The following NLN variants were observed in gnomAD, a reference collection of about 807,000 sequenced individuals.
The protein encoded by NLN is neurolysin, mitochondrial.
A neutral mutation model predicts 79.9 loss-of-function variants in NLN; 64 were observed. The observed-to-expected ratio is 0.80, with a 90% CI of 0.65 to 0.99. The LOEUF is 0.99. Ranked by LOEUF, NLN falls within the 50% of genes least tolerant of loss-of-function variation. The probability of loss-of-function intolerance (pLI) is 0.00; values close to 1 mark genes in which losing one functional copy is unlikely to be tolerated. For synonymous variants in NLN, 267 were observed against 296.6 expected (o/e 0.90, Z 1.02); for missense variants, 835 against 858.7 (o/e 0.97, Z 0.34).
intron 3 of NLN, among the ~76,000 whole-genome samples, chr5:65,770,724 T>C (rs927741516): frequency 2.6e-5 from 4 of 152,202 alleles, no homozygotes; most frequent in African/African-American, 9.7e-5. Context: ...ATTGAACAAG[T>C]GTTCATAGCA....
chr5:65,788,088 T>A, intron 7 of NLN, 30 bp from the exon 8 acceptor site: 2 of 1,592,556 alleles, frequency 1.3e-6, no homozygotes, highest in Non-Finnish European at 1.7e-6. Flanking sequence ...CAAAAGCAAG[T>A]AGATCACTAA....
At position 65,722,532 on chromosome 5, in the gene NLN, C is replaced by T. The variant is rs1006205571; in HGVS notation, c.41+118C>T. ...GCGCCTCTCCGACGCTCCCGGGACG[C>T]ACCCTCCCCGCGGCTTGCAAGGTGG... On this transcript the variant is annotated intron_variant, in intron 1 of 12. Coordinates refer to ENST00000380985, the MANE Select transcript of NLN (RefSeq NM_020726.5). The T allele has an allele frequency of 5.4e-6, 5 of 934,042 alleles. No homozygotes were observed. In the African/African-American group the frequency reaches 8.6e-5, roughly 16 times the overall value. The allele number at this position is 934,042 out of a possible 1,614,324, so 57.9% of individuals were successfully genotyped here.
At chr5:65,811,886 A>T (rs1339270392) in intron 11 of NLN, among the ~76,000 whole-genome samples, 2 of 152,244 alleles carry the variant, frequency 1.3e-5, no homozygotes, top group African/African-American at 4.8e-5. Flanking sequence ...CATTTTAGAT[A>T]TAAAGAGGTG....
chr5:65,781,452 T>G (rs1417023965), intron 6 of NLN, 31 bp downstream of exon 6: 2 of 1,501,940 alleles, frequency 1.3e-6, no homozygotes, highest in South Asian at 1.2e-5. Flanking sequence ...TCTTTTGTTT[T>G]TAATGGAATA....
intron 6 of NLN, among the ~76,000 whole-genome samples, chr5:65,784,284 T>C (rs982272136): frequency 1.3e-5 from 2 of 151,650 alleles, no homozygotes; most frequent in Non-Finnish European, 1.5e-5. Flanking sequence ...AATAAAATAA[T>C]ATCAATTTTT....
chr5:65,756,840 T>C (rs1225749830), intron 1 of NLN, among the ~76,000 whole-genome samples: 1 of 152,192 alleles, frequency 6.6e-6, no homozygotes, highest in African/African-American at 2.4e-5. Flanking sequence ...GGCTCTTCAT[T>C]TGCTAAATGA....
At chr5:65,767,981 T>G (rs1246874618) in intron 3 of NLN, among the ~76,000 whole-genome samples, 2 of 152,220 alleles carry the variant, frequency 1.3e-5, no homozygotes, top group African/African-American at 4.8e-5. Flanking sequence ...CACCTCAGCC[T>G]GGACTTCATT....
chr5:65,824,603 T>C lies in NLN; in HGVS notation c.*1688T>C, dbSNP rs1243613499. On this transcript the variant is annotated 3_prime_UTR_variant, in exon 13 of 13. Transcript: ENST00000380985. ...CAGTGTGTCTCCTTAACAGTAACTT[T>C]ACCACTTGAAATCTTATTTCATAGA... 1 of 152,228 alleles carries C rather than the reference T, an allele frequency of 6.6e-6. No individual in the cohort carries two copies. Among genetic ancestry groups the C allele is most frequent in the Non-Finnish European group, 1.5e-5 (1 of 68,044 alleles). 9.4% of individuals were successfully genotyped at this position (152,228 alleles called of 1,614,324 possible).
At chr5:65,768,794 G>A (rs955175912) in intron 3 of NLN, among the ~76,000 whole-genome samples, 1 of 152,200 alleles carries the variant, frequency 6.6e-6, no homozygotes. Flanking sequence ...CGAGGGGAGA[G>A]AGACAGGGAG....
chr5:65,724,417 C>A (rs752651143), intron 1 of NLN, among the ~76,000 whole-genome samples: 1 of 152,086 alleles, frequency 6.6e-6, no homozygotes, highest in African/African-American at 2.4e-5. Context: ...AAGCATGTGT[C>A]GGGATTTCCT....
intron 3 of NLN, among the ~76,000 whole-genome samples, chr5:65,772,985 C>T (rs1049288446): frequency 6.0e-5 from 9 of 151,080 alleles, no homozygotes; most frequent in South Asian, 4.2e-4. Flanking sequence ...CAGGGTCTCA[C>T]GCTGTCACCT....
At chr5:65,727,361 G>A (rs1461879625) in intron 1 of NLN, among the ~76,000 whole-genome samples, 1 of 152,032 alleles carries the variant, frequency 6.6e-6, no homozygotes, top group Admixed American at 6.6e-5. Context: ...GTAGAGATAG[G>A]ATCTTGCTAT....
intron 12 of NLN, among the ~76,000 whole-genome samples, chr5:65,815,211 A>G (rs1760644201): frequency 1.3e-5 from 2 of 152,184 alleles, no homozygotes; most frequent in Non-Finnish European, 1.5e-5. Flanking sequence ...GTGACCATAT[A>G]CCCAGAACCC....
chr5:65,785,915 GTTC>G lies in NLN; in HGVS notation c.958+8_958+10del. On this transcript the variant is annotated splice_donor_region_variant and intron_variant, in intron 7 of 12. Coordinates refer to ENST00000380985, the MANE Select transcript of NLN (RefSeq NM_020726.5). ...GCCGCGTAACAGCCTTTCTAGGTTA[GTTC>G]TTTTTTTTTTTTCTATGACTGTTTT... 6.2e-7 allele frequency: 1 copy of G among 1,600,642 alleles called. No homozygotes were observed.
intron 9 of NLN, among the ~76,000 whole-genome samples, chr5:65,800,663 C>CTTATTTATTTATTTATTTAT (rs1554033902): frequency 9.2e-4 from 131 of 142,966 alleles, no homozygotes; most frequent in African/African-American, 3.1e-3. Flanking sequence ...AGAAAACTCT[C>CTTATTTATTTATTTATTTAT]TTATTTATTT....
At chr5:65,789,077 G>A (rs1452129210) in intron 8 of NLN, among the ~76,000 whole-genome samples, 1 of 152,076 alleles carries the variant, frequency 6.6e-6, no homozygotes, top group East Asian at 1.9e-4. Context: ...AGGTTACAGT[G>A]AGCTATTATC....
chr5:65,772,371 T>A (rs1759587248), intron 3 of NLN, among the ~76,000 whole-genome samples: 1 of 152,342 alleles, frequency 6.6e-6, no homozygotes, highest in Admixed American at 6.5e-5. Flanking sequence ...CTAGCCCCAA[T>A]GAAAATGTAT....
chr5:65,763,742 A>C (rs1759392057), intron 3 of NLN, among the ~76,000 whole-genome samples: 1 of 101,712 alleles, frequency 9.8e-6, no homozygotes, highest in South Asian at 3.4e-4. Context: ...CAGAATCCTA[A>C]TTACTTTTTC....
intron 1 of NLN, among the ~76,000 whole-genome samples, chr5:65,727,190 A>C (rs1326840629): frequency 6.6e-6 from 1 of 152,168 alleles, no homozygotes; most frequent in South Asian, 2.1e-4. Flanking sequence ...TTTAGAGACA[A>C]GGTCTCACTC....
Sources: allele counts gnomAD v4.1 joint callset (sites outside exome capture counted in the v4.1 genomes callset), GRCh38; gene constraint gnomAD v4.1.1; transcripts MANE v1.5; gene names NCBI Gene and HGNC (gene_info 2026-07-23, HGNC 2026-07-21).